Variants in LRP11 observed in about 807,000 individuals in gnomAD.
LRP11 encodes the protein LDL receptor related protein 11.
A neutral mutation model predicts 43.1 loss-of-function variants in LRP11; 25 were observed. The ratio of observed to expected loss-of-function variants is 0.58; its 90% CI spans 0.42 to 0.81. The LOEUF is 0.81. LRP11 is among the 30% of genes least tolerant of loss of function. The pLI is 0.00. For synonymous variants in LRP11, 316 were observed against 299.4 expected, an observed-to-expected ratio of 1.06 and a Z score of -0.57; for missense variants, 623 against 665.1, an observed-to-expected ratio of 0.94 and a Z score of 0.70.
chr6:149,847,491 TG>T (rs1776654344), intron 2 of LRP11, among the ~76,000 whole-genome samples: 1 of 152,230 alleles, frequency 6.6e-6, no homozygotes, highest in Non-Finnish European at 1.5e-5. Context: ...AGGGCCCAGG[TG>T]ACCCTTCTAT....
chr6:149,825,798 G>A (rs1776331412), intron 6 of LRP11, among the ~76,000 whole-genome samples: 1 of 152,022 alleles, frequency 6.6e-6, no homozygotes, highest in Non-Finnish European at 1.5e-5. Context: ...ACAGGCGAAT[G>A]TCACCACACT....
chr6:149,832,487 C>T lies in LRP11; in HGVS notation c.1252+3598G>A, dbSNP rs957144816. Among the ~76,000 whole-genome samples the T allele has an allele frequency of 4.6e-5, 7 of 152,154 alleles. No individual in the cohort carries two copies. The East Asian group carries it at 5.8e-4, about 13-fold the overall frequency. Reference sequence around the variant, plus strand: ...ACAAGCATGAGCCACCGCGCCCAGCCGAGCTAAGTCTTATTTGTCCTCACC... The same window carrying T: ...ACAAGCATGAGCCACCGCGCCCAGCTGAGCTAAGTCTTATTTGTCCTCACC... On this transcript the variant is annotated intron_variant, in intron 5 of 6. Coordinates refer to ENST00000239367, the MANE Select transcript of LRP11 (RefSeq NM_032832.6).
chr6:149,843,065 C>G lies in LRP11; in HGVS notation c.831G>C (p.Gln277His). 6.2e-7 allele frequency: 1 copy of G among 1,614,198 alleles called. No individual in the cohort carries two copies. The highest frequency in any genetic ancestry group is 8.5e-7 in the Non-Finnish European group (1 of 1,180,036). Residue 277 changes from glutamine (Q) to histidine (H), a missense_variant, in exon 3 of 7, where the codon CAG becomes CAC. By Grantham distance (24) the Gln-to-His change is conservative (BLOSUM62 0). Coordinates refer to ENST00000239367, the MANE Select transcript of LRP11 (RefSeq NM_032832.6). ...SHLQEGTYTF[Q>H]LTVTDTAGQR... is the part of the protein sequence containing the mutation. ...GCCCGGCAGTGTCCGTCACGGTCAGCTGGAAGGTGTAGGTTCCCTCCTGTA... is the reference window on the plus strand; with the variant it reads ...GCCCGGCAGTGTCCGTCACGGTCAGGTGGAAGGTGTAGGTTCCCTCCTGTA...
Position 149,836,069 on chromosome 6 carries a change from C to G in LRP11, c.1252+16G>C. ...AAAACAAGGTTCTTCATTGAGAACC[C>G]ACCGTGAATCCTTACCTGGCATCAC... On this transcript the variant is annotated intron_variant, in intron 5 of 6. Coordinates refer to ENST00000239367, the MANE Select transcript of LRP11 (RefSeq NM_032832.6). The G allele has an allele frequency of 2.5e-6, 4 of 1,608,602 alleles. No individual in the cohort carries two copies. The highest frequency in any genetic ancestry group is 3.4e-6 in the Non-Finnish European group (4 of 1,175,092).
chr6:149,820,520 C>T lies in LRP11; in HGVS notation c.*29G>A, dbSNP rs1367374654. ...TGTATAAATTATAAACAAAACATGT[C>T]CCTGCCCCAAGGTATTGAAATTACA... On this transcript the variant is annotated 3_prime_UTR_variant, in exon 7 of 7. Transcript: ENST00000239367. 5 of 770,490 alleles carry T rather than the reference C, an allele frequency of 6.5e-6. No homozygotes were observed. Among genetic ancestry groups the T allele is most frequent in the Non-Finnish European group, 1.2e-5 (5 of 413,358 alleles). 47.7% of individuals were successfully genotyped at this position (770,490 alleles called of 1,614,324 possible). A position where few individuals can be genotyped will look rare whatever the true frequency, so the allele number is the denominator to read the frequency against.
In LRP11 at chr6:149,826,213, C is replaced by T. The variant is rs188296646; in HGVS notation, c.1348+51G>A. Reference sequence around the variant, plus strand: ...GGAATATCCTCAGCCAGAGGGCATGCAGTTCTGAGAAGACTACAGTCTGCA... The same window carrying T: ...GGAATATCCTCAGCCAGAGGGCATGTAGTTCTGAGAAGACTACAGTCTGCA... On this transcript the variant is annotated intron_variant, in intron 6 of 6. Coordinates refer to ENST00000239367, the MANE Select transcript of LRP11 (RefSeq NM_032832.6). 1.3e-3 allele frequency: 1,756 copies of T among 1,337,584 alleles called. 15 individuals carry two copies. Among genetic ancestry groups the T allele is most frequent in the Middle Eastern group, 9.4e-3 (52 of 5,552 alleles). The allele number at this position is 1,337,584 out of a possible 1,614,324, so 82.9% of individuals were successfully genotyped here.
chr6:149,837,847 C>T (rs1776493714), intron 3 of LRP11, among the ~76,000 whole-genome samples: 1 of 152,172 alleles, frequency 6.6e-6, no homozygotes, highest in Admixed American at 6.5e-5. Context: ...GATTGCTCTG[C>T]AGGAGGGCAC....
In LRP11 at chr6:149,861,945, G is replaced by T. The variant is rs978519201; in HGVS notation, c.613+1463C>A. ...CTTTGGCAATGTCAGTTTCTTCCAGGTAAGTAGTGAGAACACAGAGAAAAG... is the reference window on the plus strand; with the variant it reads ...CTTTGGCAATGTCAGTTTCTTCCAGTTAAGTAGTGAGAACACAGAGAAAAG... On this transcript the variant is annotated intron_variant, in intron 1 of 6. Coordinates refer to ENST00000239367, the MANE Select transcript of LRP11 (RefSeq NM_032832.6). Among the ~76,000 whole-genome samples the T allele has an allele frequency of 1.1e-4, 17 of 152,334 alleles. 2 individuals are homozygous for T. In the South Asian group the frequency reaches 3.5e-3, roughly 32 times the overall value.
chr6:149,863,565 C>A lies in LRP11; in HGVS notation c.456G>T (p.Ala152=). 2 of 1,379,404 alleles carry A rather than the reference C, an allele frequency of 1.4e-6. No individual in the cohort carries two copies. The highest frequency in any genetic ancestry group is 9.3e-7 in the Non-Finnish European group (1 of 1,073,538). The allele number at this position is 1,379,404 out of a possible 1,614,324, so 85.4% of individuals were successfully genotyped here. A position where few individuals can be genotyped will look rare whatever the true frequency, so the allele number is the denominator to read the frequency against. Residue 152 remains alanine, a synonymous_variant, in exon 1 of 7, where the codon GCG becomes GCT. Transcript: ENST00000239367. ...VAVVELPRRP[A]PPAAVLGCYL... is the part of the protein sequence containing the mutation. ...AGCAGCCGAGCACGGCTGCCGGGGG[C>A]GCGGGGCGCCGGGGCAGCTCCACCA... is the stretch of plus-strand genomic sequence containing the variant.
rs1054921109 is a variant in LRP11 at position 149,853,067 on chromosome 6, T to C, written c.707A>G (p.Asp236Gly). 6.2e-7 allele frequency: 1 copy of C among 1,612,538 alleles called. No individual in the cohort carries two copies. The highest frequency in any genetic ancestry group is 1.1e-5 in the South Asian group (1 of 90,874). Reference sequence around the variant, plus strand: ...CTCATACTGGACGATGGCGTGGTCATCTGTGCTCTCGCGGCCGTCTAGAAC... The same window carrying C: ...CTCATACTGGACGATGGCGTGGTCACCTGTGCTCTCGCGGCCGTCTAGAAC... ...GVVLDGREST[D>G]DHAIVQYEWA... Residue 236 changes from aspartate (D) to glycine (G), a missense_variant, in exon 2 of 7, where the codon GAT (aspartate) becomes GGT (glycine). Physicochemically the swap from Asp to Gly is moderately conservative, Grantham distance 94. Transcript: ENST00000239367.
chr6:149,823,911 C>T (rs547368151), intron 6 of LRP11, among the ~76,000 whole-genome samples: 2 of 152,240 alleles, frequency 1.3e-5, no homozygotes, highest in South Asian at 4.2e-4. Flanking sequence ...GTCAAGATGG[C>T]TGCCTGGTCT....
rs1470740332 is a variant in LRP11 at position 149,827,781 on chromosome 6, A to G, written c.1253-1422T>C. 1.3e-5 allele frequency among the ~76,000 whole-genome samples: 2 copies of G among 152,238 alleles called. No individual in the cohort carries two copies. The highest frequency in any genetic ancestry group is 2.9e-5 in the Non-Finnish European group (2 of 68,034). ...TATGATACCTGATCCCAGGCCAGGTAGTTCTATAAGATTGTATTACATAAG... is the reference window on the plus strand; with the variant it reads ...TATGATACCTGATCCCAGGCCAGGTGGTTCTATAAGATTGTATTACATAAG... On this transcript the variant is annotated intron_variant, in intron 5 of 6. Coordinates refer to ENST00000239367, the MANE Select transcript of LRP11 (RefSeq NM_032832.6). This position sits in a 1 kb window ranked among gnomAD's most constrained non-coding sequence, Gnocchi z 4.2.
intron 6 of LRP11, among the ~76,000 whole-genome samples, chr6:149,824,283 T>C (rs571982090): frequency 1.3e-5 from 2 of 152,268 alleles, no homozygotes; most frequent in Admixed American, 6.5e-5. Context: ...ACAGACGAGA[T>C]CTGGGAAAAT....
chr6:149,825,886 C>T (rs1055569718), intron 6 of LRP11, among the ~76,000 whole-genome samples: 39 of 152,072 alleles, frequency 2.6e-4, no homozygotes, highest in African/African-American at 8.9e-4. Context: ...TGAGCTCAAG[C>T]GATCCTCCTG....
chr6:149,863,279 T>C (rs1776959286), intron 1 of LRP11, 129 bp downstream of exon 1: 2 of 1,233,320 alleles, frequency 1.6e-6, no homozygotes, highest in Admixed American at 3.3e-5. Flanking sequence ...GAGAAACCCA[T>C]GCCAGAAACT....
intron 1 of LRP11, among the ~76,000 whole-genome samples, chr6:149,859,481 C>T (rs1484231613): frequency 2.7e-5 from 4 of 146,628 alleles, no homozygotes; most frequent in African/African-American, 5.2e-5. Flanking sequence ...CTGTAACCTC[C>T]GACTCCAGGG....
At chr6:149,860,689 C>T (rs1776878672) in intron 1 of LRP11, among the ~76,000 whole-genome samples, 1 of 152,168 alleles carries the variant, frequency 6.6e-6, no homozygotes, top group Non-Finnish European at 1.5e-5. Context: ...AGCAGGCAGG[C>T]TCAGTCACTA....
intron 1 of LRP11, among the ~76,000 whole-genome samples, chr6:149,856,533 T>C (rs1219057180): frequency 6.6e-6 from 1 of 152,184 alleles, no homozygotes; most frequent in African/African-American, 2.4e-5. Flanking sequence ...GAGTGTGCCA[T>C]TTTAAAATGT....
At chr6:149,848,632 G>C (rs1173043125) in intron 2 of LRP11, among the ~76,000 whole-genome samples, 1 of 152,066 alleles carries the variant, frequency 6.6e-6, no homozygotes, top group African/African-American at 2.4e-5. Flanking sequence ...TGCAAGAACA[G>C]AAAACCAAAT....
Sources: allele counts gnomAD v4.1 joint callset (sites outside exome capture counted in the v4.1 genomes callset), GRCh38; gene constraint gnomAD v4.1.1; non-coding constraint Gnocchi (gnomAD v3.1); transcripts MANE v1.5; gene names NCBI Gene and HGNC (gene_info 2026-07-23, HGNC 2026-07-21).